RAB10: variants seen among roughly 807,000 people sequenced by gnomAD.
The protein encoded by RAB10 is RAB10, member RAS oncogene family, also known as ras-related protein Rab-10.
RAB10 carries 5 observed loss-of-function variants against 25.7 expected under a neutral mutation model. The ratio of observed to expected loss-of-function variants is 0.19; its 90% confidence interval spans 0.10 to 0.41. RAB10 has a LOEUF of 0.41. Ranked by LOEUF, RAB10 falls within the 10% of genes least tolerant of loss-of-function variation. The probability of loss-of-function intolerance (pLI) is 1.00; values close to 1 mark genes in which losing one functional copy is unlikely to be tolerated. For missense variants in RAB10, 103 were observed against 245.8 expected (o/e 0.42, Z 3.89); for synonymous variants, 89 against 86.4 (o/e 1.03, Z -0.16).
chr2:26,051,754 CAA>C (rs952237769), intron 1 of RAB10, among the ~76,000 whole-genome samples: 1 of 113,498 alleles, frequency 8.8e-6, no homozygotes, highest in Admixed American at 9.1e-5. Flanking sequence ...ACTCCGTCTC[CAA>C]AAAAAAAAAG....
chr2:26,078,354 A>G (rs1666783742), intron 1 of RAB10, among the ~76,000 whole-genome samples: 2 of 152,246 alleles, frequency 1.3e-5, no homozygotes, highest in South Asian at 4.1e-4. Context: ...AGGACCCTGT[A>G]TAATGAAAAC....
intron 5 of RAB10, 111 bp from the exon 6 acceptor site, chr2:26,134,827 T>G: frequency 6.4e-6 from 5 of 778,374 alleles, no homozygotes; most frequent in South Asian, 2.2e-5. Context: ...TCTCCTGTGA[T>G]TGTAGTTGTA....
At chr2:26,116,562 T>G (rs1371834989) in intron 3 of RAB10, among the ~76,000 whole-genome samples, 68 of 132,464 alleles carry the variant, frequency 5.1e-4, no homozygotes, top group Non-Finnish European at 7.6e-4. Context: ...TTTTTTTTTT[T>G]TTTTTTTTTT....
At chr2:26,120,663 C>T (rs1052046178) in intron 3 of RAB10, among the ~76,000 whole-genome samples, 9 of 151,582 alleles carry the variant, frequency 5.9e-5, no homozygotes, top group African/African-American at 1.9e-4. Flanking sequence ...TATCTTGGCT[C>T]ACTGCAAGCT....
rs36069349 is a variant in RAB10 at position 26,131,030 on chromosome 2, C to CTT, written c.519+3094_519+3095dup. Among the ~76,000 whole-genome samples, 451 of 110,288 alleles carry CTT rather than the reference C, an allele frequency of 4.1e-3. 4 individuals are homozygous for CTT. Among genetic ancestry groups the CTT allele is most frequent in the South Asian group, 0.013 (48 of 3,576 alleles). The allele number at this position is 110,288 out of a possible 152,430, so 72.4% of individuals were successfully genotyped here. ...CCTTTGATCTTCTCATCAGTCTTGG[C>CTT]TTTTTTTTTTTTTTTTGAATAGTGC... On this transcript the variant is annotated intron_variant, in intron 5 of 5. Transcript: ENST00000264710.
chr2:26,134,907 A>G, intron 5 of RAB10, 31 bp from the exon 6 acceptor site: 1 of 1,548,974 alleles, frequency 6.5e-7, no homozygotes, highest in Non-Finnish European at 8.9e-7. Context: ...GTGTTTTTTC[A>G]TGAGTTATTT....
chr2:26,117,850 A>T (rs1667725159), intron 3 of RAB10, among the ~76,000 whole-genome samples: 1 of 152,166 alleles, frequency 6.6e-6, no homozygotes, highest in Non-Finnish European at 1.5e-5. Flanking sequence ...GTAACTGGGG[A>T]ACATAACTAC....
chr2:26,132,836 G>A (rs562400608), intron 5 of RAB10, among the ~76,000 whole-genome samples: 1 of 146,754 alleles, frequency 6.8e-6, no homozygotes, highest in East Asian at 2.0e-4. Flanking sequence ...TCAGTTGTAG[G>A]AGCCTCCCTG....
At chr2:26,063,308 T>G in intron 1 of RAB10, among the ~76,000 whole-genome samples, 1 of 152,212 alleles carries the variant, frequency 6.6e-6, no homozygotes, top group Admixed American at 6.5e-5. Flanking sequence ...CAGCTTTTTA[T>G]TTTGAAAAGT....
intron 3 of RAB10, among the ~76,000 whole-genome samples, chr2:26,110,645 T>C (rs534625520): frequency 6.6e-6 from 1 of 152,212 alleles, no homozygotes. Flanking sequence ...GGAATACTAA[T>C]ATAGTAAAAA....
In RAB10 at chr2:26,109,074, G is replaced by A. The variant is rs188713072; in HGVS notation, c.189-694G>A. Among the ~76,000 whole-genome samples, 3 of 151,846 alleles carry A rather than the reference G, an allele frequency of 2.0e-5. No individual in the cohort carries two copies. In the East Asian group the frequency reaches 5.8e-4, roughly 29 times the overall value. ...TTACAGGCACGTGCCACCATGCCGG[G>A]CTAATTTTTGTATTTTTAGTAGAGA... On this transcript the variant is annotated intron_variant, in intron 2 of 5. Coordinates refer to ENST00000264710, the MANE Select transcript of RAB10 (RefSeq NM_016131.5).
chr2:26,065,356 T>C (rs1464887070), intron 1 of RAB10, among the ~76,000 whole-genome samples: 1 of 152,150 alleles, frequency 6.6e-6, no homozygotes, highest in Non-Finnish European at 1.5e-5. Flanking sequence ...CTATATATAT[T>C]TAATATAATT....
chr2:26,121,951 T>C (rs1323422157), intron 3 of RAB10, among the ~76,000 whole-genome samples: 2 of 152,184 alleles, frequency 1.3e-5, no homozygotes, highest in Non-Finnish European at 2.9e-5. Context: ...AATCCCATAT[T>C]GCAATCAAAA....
intron 1 of RAB10, among the ~76,000 whole-genome samples, chr2:26,088,254 T>C (rs1029663577): frequency 2.6e-5 from 4 of 152,194 alleles, no homozygotes; most frequent in Non-Finnish European, 5.9e-5. Flanking sequence ...TGCCACTGGA[T>C]GGTGCTTCTG....
chr2:26,124,311 T>TC lies in RAB10; in HGVS notation c.328-2832dup, dbSNP rs1364186248. 3.3e-5 allele frequency among the ~76,000 whole-genome samples: 5 copies of TC among 151,064 alleles called. No homozygotes were observed. The East Asian group carries it at 5.8e-4, about 17-fold the overall frequency. ...TTATAACTTTCCTAGTTTTTTTTTT[T>TC]CTTATAGCTACAGGAAATGAAGTAA... On this transcript the variant is annotated intron_variant, in intron 3 of 5. Transcript: ENST00000264710.
chr2:26,083,568 A>G (rs1408190299), intron 1 of RAB10, among the ~76,000 whole-genome samples: 1 of 151,868 alleles, frequency 6.6e-6, no homozygotes, highest in African/African-American at 2.4e-5. Context: ...GGTTCTAGCA[A>G]TTCTTATGCC....
chr2:26,062,319 T>A (rs564814348), intron 1 of RAB10, among the ~76,000 whole-genome samples: 1 of 152,250 alleles, frequency 6.6e-6, no homozygotes, highest in South Asian at 2.1e-4. Flanking sequence ...TTCCAGTGGA[T>A]CTATGTATTA....
intron 2 of RAB10, among the ~76,000 whole-genome samples, chr2:26,103,820 A>G (rs1667393260): frequency 6.6e-6 from 1 of 152,132 alleles, no homozygotes; most frequent in South Asian, 2.1e-4. Flanking sequence ...TTTCAAATAG[A>G]TGGAATCATA....
At chr2:26,090,510 T>A (rs934938937) in intron 1 of RAB10, among the ~76,000 whole-genome samples, 37 of 151,684 alleles carry the variant, frequency 2.4e-4, no homozygotes, top group Non-Finnish European at 5.0e-4. Context: ...GCCTTTTTTT[T>A]TTATTATTTT....
Sources: gnomAD v4.1 joint callset for allele counts (sites outside exome capture counted in the v4.1 genomes callset) on GRCh38, gnomAD v4.1.1 for gene constraint, MANE v1.5 for transcripts, NCBI Gene and HGNC (gene_info 2026-07-23, HGNC 2026-07-21) for gene names.